CREB5: variants seen among roughly 807,000 people sequenced by gnomAD.
The protein encoded by CREB5 is cAMP responsive element binding protein 5.
A neutral mutation model predicts 57.1 loss-of-function variants in CREB5; 19 were observed. That is an observed-to-expected ratio of 0.33 (90% CI 0.23 to 0.49). CREB5 has a LOEUF of 0.49. Ranked by LOEUF, CREB5 falls within the 20% of genes least tolerant of loss-of-function variation. CREB5 has a pLI of 0.99. For missense variants in CREB5, 579 were observed against 671.6 expected (o/e 0.86, Z 1.52); for synonymous variants, 238 against 238.3 (o/e 1.00, Z 0.01).
intron 1 of CREB5, among the ~76,000 whole-genome samples, chr7:28,342,109 G>A (rs980861751): frequency 2.6e-5 from 4 of 152,308 alleles, no homozygotes; most frequent in Admixed American, 2.6e-4. Flanking sequence ...AGTGAAAGCT[G>A]TGTTGGAAGC....
chr7:28,372,556 A>C (rs1562679928), intron 1 of CREB5, among the ~76,000 whole-genome samples: 1 of 152,196 alleles, frequency 6.6e-6, no homozygotes, highest in Non-Finnish European at 1.5e-5. Context: ...AAAGGTGTAA[A>C]TATTATTTAT....
intron 6 of CREB5, 59 bp downstream of exon 6, chr7:28,718,938 T>C (rs963476362): frequency 1.1e-5 from 18 of 1,609,092 alleles, no homozygotes; most frequent in Middle Eastern, 3.3e-4. Flanking sequence ...TTGCCACTCT[T>C]GAAAGGGCAA....
At chr7:28,408,147 G>T (rs953530504), upstream of CREB5, among the ~76,000 whole-genome samples, 2 of 152,134 alleles carry the variant, frequency 1.3e-5, no homozygotes, top group African/African-American at 4.8e-5. Flanking sequence ...GCCACCCCTT[G>T]CTCATCAAGT....
At chr7:28,391,190 T>C (rs1787208997) in intron 1 of CREB5, among the ~76,000 whole-genome samples, 1 of 152,220 alleles carries the variant, frequency 6.6e-6, no homozygotes, top group African/African-American at 2.4e-5. Context: ...TAATATTACA[T>C]CATAATTTTA....
At chr7:28,368,515 A>G (rs10254419) in intron 1 of CREB5, among the ~76,000 whole-genome samples, 6,552 of 152,276 alleles carry the variant, frequency 0.043, 265 homozygotes, top group East Asian at 0.12. Flanking sequence ...TCTTGCTAAC[A>G]GAACTCCAAT....
intron 7 of CREB5, among the ~76,000 whole-genome samples, chr7:28,803,693 T>C (rs773938160): frequency 3.5e-4 from 51 of 147,696 alleles, no homozygotes; most frequent in Middle Eastern, 3.6e-3. Context: ...GAGGCGGAGG[T>C]TGCAGTGAGC....
intron 4 of CREB5, among the ~76,000 whole-genome samples, chr7:28,557,894 C>T (rs747603246): frequency 8.6e-5 from 13 of 152,012 alleles, no homozygotes; most frequent in East Asian, 1.9e-4. Context: ...GAGCACCTTA[C>T]GGGAACTGTG....
intron 1 of CREB5, among the ~76,000 whole-genome samples, chr7:28,347,906 C>T (rs1786095579): frequency 6.6e-6 from 1 of 152,174 alleles, no homozygotes; most frequent in Admixed American, 6.5e-5. Context: ...AAGCAGAGCC[C>T]TCCCTCCTGA....
At chr7:28,451,467 TG>T (rs1189676047) in intron 1 of CREB5, among the ~76,000 whole-genome samples, 6 of 151,392 alleles carry the variant, frequency 4.0e-5, no homozygotes, top group Non-Finnish European at 7.4e-5. Flanking sequence ...TGTGTGTGTG[TG>T]TGTGTGTGTG....
chr7:28,626,300 A>G (rs1797995587), intron 5 of CREB5, among the ~76,000 whole-genome samples: 1 of 152,218 alleles, frequency 6.6e-6, no homozygotes. Flanking sequence ...GGAAGAGTTC[A>G]AATTTGAATT....
chr7:28,792,052 C>T (rs1807746434), intron 7 of CREB5, among the ~76,000 whole-genome samples: 1 of 152,172 alleles, frequency 6.6e-6, no homozygotes. Context: ...TGCCTGTAAT[C>T]CCAGCACCTT....
chr7:28,639,849 A>G (rs1352498268), intron 5 of CREB5, among the ~76,000 whole-genome samples: 2 of 152,214 alleles, frequency 1.3e-5, no homozygotes, highest in Non-Finnish European at 2.9e-5. Flanking sequence ...AATCAATGCC[A>G]CAAATCCTGC....
chr7:28,737,565 ATATATATATATATATATATATATT>A (rs1804084184), intron 7 of CREB5, among the ~76,000 whole-genome samples: 1 of 110,398 alleles, frequency 9.1e-6, no homozygotes, highest in African/African-American at 3.0e-5. Flanking sequence ...ATATATATAT[ATATATATATATATATATATATATT>A]TTTAACTCCT....
chr7:28,379,791 G>A (rs1303673932), intron 1 of CREB5, among the ~76,000 whole-genome samples: 10 of 152,220 alleles, frequency 6.6e-5, no homozygotes. Context: ...TTCCAGACCA[G>A]CAGCTTCAGC....
intron 5 of CREB5, among the ~76,000 whole-genome samples, chr7:28,636,856 T>C (rs1798442069): frequency 6.6e-6 from 1 of 152,178 alleles, no homozygotes; most frequent in African/African-American, 2.4e-5. Flanking sequence ...TAGAGCTGTT[T>C]TTCTCAAATG....
At position 28,820,625 on chromosome 7, in the gene CREB5, A is replaced by AGAC. The variant is rs1277016043; in HGVS notation, c.*1347_*1349dup. 6.6e-6 allele frequency: 1 copy of AGAC among 151,892 alleles called. No individual in the cohort carries two copies. The highest frequency in any genetic ancestry group is 1.9e-4 in the East Asian group (1 of 5,150). 9.4% of individuals were successfully genotyped at this position (151,892 alleles called of 1,614,324 possible). ...CTTCACTCTTTTTTTTTCTTTTTTG[A>AGAC]GACAGAGTCTCACCTATTGCCCAGA... On this transcript the variant is annotated 3_prime_UTR_variant, in exon 11 of 11. Coordinates refer to ENST00000357727, the MANE Select transcript of CREB5 (RefSeq NM_182898.4).
At chr7:28,418,376 T>C (rs1048532125) in intron 1 of CREB5, among the ~76,000 whole-genome samples, 8 of 152,192 alleles carry the variant, frequency 5.3e-5, no homozygotes, top group African/African-American at 1.9e-4. Context: ...AAAAATAATT[T>C]CCAAACTCCT....
At chr7:28,402,788 C>A (rs1787499077) in intron 1 of CREB5, among the ~76,000 whole-genome samples, 2 of 152,114 alleles carry the variant, frequency 1.3e-5, no homozygotes, top group African/African-American at 4.8e-5. Context: ...ACTAAAACAC[C>A]AAAAGCAATG....
intron 4 of CREB5, among the ~76,000 whole-genome samples, chr7:28,566,915 A>G (rs1583640544): frequency 1.3e-5 from 2 of 152,334 alleles, no homozygotes; most frequent in Admixed American, 1.3e-4. Context: ...AGTGTTGGAT[A>G]TATTCCTAGA....
Sources: gnomAD v4.1 joint callset for allele counts (sites outside exome capture counted in the v4.1 genomes callset) on GRCh38, gnomAD v4.1.1 for gene constraint, MANE v1.5 for transcripts, NCBI Gene and HGNC (gene_info 2026-07-23, HGNC 2026-07-21) for gene names.